Variants in IBTK observed in about 807,000 individuals in gnomAD.
IBTK encodes the protein inhibitor of Bruton tyrosine kinase.
IBTK carries 83 observed loss-of-function variants against 154.9 expected under a neutral mutation model. That is an observed-to-expected ratio of 0.54 (90% CI 0.45 to 0.64). The LOEUF (loss-of-function observed/expected upper bound fraction) is 0.64, where lower values mean the gene tolerates loss of function less well. IBTK is among the 30% of genes least tolerant of loss of function. The pLI, the probability that IBTK is intolerant of heterozygous loss-of-function variation, is 0.00. For synonymous variants in IBTK, 515 were observed against 536.1 expected, an observed-to-expected ratio of 0.96 and a Z score of 0.54; for missense variants, 1,332 against 1,584.6, an observed-to-expected ratio of 0.84 and a Z score of 2.71.
intron 6 of IBTK, among the ~76,000 whole-genome samples, chr6:82,224,458 C>A (rs1027336806): frequency 6.6e-6 from 1 of 152,198 alleles, no homozygotes; most frequent in African/African-American, 2.4e-5. Flanking sequence ...AAACTTTTAG[C>A]TATTTTTCTT....
intron 13 of IBTK, 70 bp downstream of exon 13, chr6:82,212,637 C>T: frequency 1.1e-6 from 1 of 922,612 alleles, no homozygotes; most frequent in Non-Finnish European, 1.8e-6. Context: ...TGTGGGTAAG[C>T]AGAGATCTAT....
intron 2 of IBTK, among the ~76,000 whole-genome samples, chr6:82,238,242 G>A (rs940547124): frequency 1.5e-4 from 23 of 149,510 alleles, no homozygotes; most frequent in Middle Eastern, 6.8e-3. Flanking sequence ...AGACTCCGTC[G>A]CAAAAAAAAA....
At chr6:82,209,034 G>C (rs1734398737) in intron 16 of IBTK, among the ~76,000 whole-genome samples, 1 of 152,260 alleles carries the variant, frequency 6.6e-6, no homozygotes, top group East Asian at 1.9e-4. Flanking sequence ...CCACAATGTT[G>C]CATAACTTCA....
At chr6:82,186,775 T>C (rs999346888) in intron 25 of IBTK, among the ~76,000 whole-genome samples, 15 of 152,276 alleles carry the variant, frequency 9.9e-5, no homozygotes, top group Admixed American at 8.5e-4. Flanking sequence ...TTATCTATAA[T>C]TGGTCAGTTA....
At chr6:82,230,465 G>A (rs1284609241) in intron 4 of IBTK, among the ~76,000 whole-genome samples, 1 of 152,052 alleles carries the variant, frequency 6.6e-6, no homozygotes, top group African/African-American at 2.4e-5. Flanking sequence ...AATATTATTG[G>A]GGTTGAAATG....
At position 82,182,009 on chromosome 6, in the gene IBTK, C is replaced by T; in HGVS notation, c.3595G>A (p.Val1199Ile). The T allele has an allele frequency of 6.2e-7, 1 of 1,602,268 alleles. No individual in the cohort carries two copies. Among genetic ancestry groups the T allele is most frequent in the Non-Finnish European group, 8.5e-7 (1 of 1,177,764 alleles). The part of the protein sequence containing the change: ...VNAWASSLHS[V>I]SSKSFRDFLL... ...AAATCCCGGAATGACTTGGATGAAA[C>T]TGAATGCAGAGAAGATGCCCTGCAA... is the stretch of plus-strand genomic sequence containing the variant. Residue 1199 changes from valine (V) to isoleucine (I), a missense_variant, in exon 26 of 29, where the codon GTT becomes ATT. By Grantham distance (29) the Val-to-Ile change is conservative. This residue lies in a region of IBTK where 1,134 missense variants were observed against 1,274.7 expected (regional missense o/e 0.89). Coordinates refer to ENST00000306270, the MANE Select transcript of IBTK (RefSeq NM_015525.4).
chr6:82,190,138 C>A (rs1356617218), intron 25 of IBTK, among the ~76,000 whole-genome samples: 1 of 152,106 alleles, frequency 6.6e-6, no homozygotes, highest in Non-Finnish European at 1.5e-5. Flanking sequence ...TTTTCAGTAA[C>A]CATGCTTTGG....
chr6:82,174,837 T>C, intron 26 of IBTK: 1 of 383,332 alleles, frequency 2.6e-6, no homozygotes, highest in South Asian at 2.0e-5. Flanking sequence ...AGCAGAGAGA[T>C]AACAAAAATC....
intron 27 of IBTK, chr6:82,173,056 C>A: frequency 1.6e-5 from 3 of 193,306 alleles, no homozygotes; most frequent in East Asian, 1.2e-4. Flanking sequence ...GGCTGGAGTA[C>A]AGTGGCATGA....
intron 12 of IBTK, among the ~76,000 whole-genome samples, chr6:82,213,077 G>A (rs1769712536): frequency 6.6e-6 from 1 of 151,444 alleles, no homozygotes; most frequent in South Asian, 2.1e-4. Flanking sequence ...GCCCAGGCTA[G>A]AGTGTGGTGG....
chr6:82,170,281 G>A lies in IBTK; in HGVS notation c.*1144C>T, dbSNP rs1311836083. On this transcript the variant is annotated 3_prime_UTR_variant, in exon 29 of 29. Coordinates refer to ENST00000306270, the MANE Select transcript of IBTK (RefSeq NM_015525.4). ...TTTTTTATTGCACATCTGCTTACATGTCTGCTGCTTTTGGGCAGAGTTAAA... is the reference window on the plus strand; with the variant it reads ...TTTTTTATTGCACATCTGCTTACATATCTGCTGCTTTTGGGCAGAGTTAAA... The A allele has an allele frequency of 3.3e-5, 5 of 152,600 alleles. No homozygotes were observed. The highest frequency in any genetic ancestry group is 3.3e-4 in the Admixed American group (5 of 15,268). The allele number at this position is 152,600 out of a possible 1,614,324, so 9.5% of individuals were successfully genotyped here.
chr6:82,200,791 T>C (rs1769182298), intron 19 of IBTK, 83 bp from the exon 20 acceptor site: 2 of 1,347,892 alleles, frequency 1.5e-6, no homozygotes, highest in Admixed American at 7.3e-5. Context: ...TGTGCACACG[T>C]GGCTCTTGCC....
intron 3 of IBTK, among the ~76,000 whole-genome samples, chr6:82,232,097 G>A (rs1432667291): frequency 6.8e-6 from 1 of 147,130 alleles, no homozygotes; most frequent in East Asian, 2.0e-4. Flanking sequence ...GTCTCATTAT[G>A]TTGCCCAGAC....
chr6:82,202,593 T>G lies in IBTK; in HGVS notation c.2664A>C (p.Ala888=). 1 of 1,611,150 alleles carries G rather than the reference T, an allele frequency of 6.2e-7. No homozygotes were observed. The highest frequency in any genetic ancestry group is 8.5e-7 in the Non-Finnish European group (1 of 1,178,798). Residue 888 remains alanine, a synonymous_variant, in exon 18 of 29, where the codon GCA becomes GCC. Coordinates refer to ENST00000306270, the MANE Select transcript of IBTK (RefSeq NM_015525.4). ...MLLEFAAMYS[A]KQLKLSCLQF... The stretch of plus-strand genomic sequence containing the variant: ...GTAAACAAGACAGTTTCAACTGTTT[T>G]GCACTATACATTGCTGCAAATTCCA...
intron 21 of IBTK, among the ~76,000 whole-genome samples, chr6:82,198,686 C>T (rs9294250): frequency 0.24 from 36,275 of 151,868 alleles, 4,393 homozygotes; most frequent in African/African-American, 0.28. Context: ...GTACTGTTAG[C>T]AGAAACTGTA....
chr6:82,227,208 T>G lies in IBTK; in HGVS notation c.638A>C (p.Asp213Ala). Residue 213 changes from aspartate (D) to alanine (A), a missense_variant, in exon 5 of 29, where the codon GAT becomes GCT. Coordinates refer to ENST00000306270, the MANE Select transcript of IBTK (RefSeq NM_015525.4). ...TTCAATTACCAAGCATGTCTGTTCA[T>G]CTCCATGTCCTAATCGCCCTCCAGG... is the stretch of plus-strand genomic sequence containing the variant. ...HGPGGRLGHG[D>A]EQTCLVPRLV... is the part of the protein sequence containing the mutation. The G allele has an allele frequency of 6.2e-7, 1 of 1,609,408 alleles. No homozygotes were observed. The highest frequency in any genetic ancestry group is 8.5e-7 in the Non-Finnish European group (1 of 1,176,384).
chr6:82,234,641 C>T (rs538848478), intron 2 of IBTK, among the ~76,000 whole-genome samples: 1 of 151,736 alleles, frequency 6.6e-6, no homozygotes, highest in African/African-American at 2.4e-5. Context: ...TGGCCGACTT[C>T]CTATTCTTAT....
intron 2 of IBTK, among the ~76,000 whole-genome samples, chr6:82,237,705 T>C (rs1164309906): frequency 1.3e-5 from 2 of 148,988 alleles, no homozygotes; most frequent in Non-Finnish European, 3.0e-5. Flanking sequence ...GCAGTAATAG[T>C]AGAAGATCAG....
intron 24 of IBTK, 194 bp downstream of exon 24, chr6:82,191,593 G>A (rs1216971062): frequency 1.5e-6 from 1 of 660,140 alleles, no homozygotes; most frequent in South Asian, 1.7e-5. Context: ...TACAAGAGCT[G>A]GATTATCAAC....
Sources: gnomAD v4.1 joint callset for allele counts (sites outside exome capture counted in the v4.1 genomes callset) on GRCh38, gnomAD v4.1.1 for gene constraint, gnomAD v4.1.1 regional missense constraint, MANE v1.5 for transcripts, NCBI Gene and HGNC (gene_info 2026-07-23, HGNC 2026-07-21) for gene names.